The following CADPS variants were observed in gnomAD, a reference collection of about 807,000 sequenced individuals.
CADPS encodes the protein calcium dependent secretion activator.
In CADPS, 57 loss-of-function variants were observed where a neutral mutation model predicts 167.3. That is an observed-to-expected ratio of 0.34 (90% confidence interval 0.28 to 0.42). The LOEUF (loss-of-function observed/expected upper bound fraction) is 0.42. Among genes scored for constraint, CADPS ranks in the 20% least tolerant of loss-of-function variants. CADPS has a pLI of 1.00. For missense variants in CADPS, 1,414 were observed against 1,738.1 expected, an observed-to-expected ratio of 0.81 and a Z score of 3.32; for synonymous variants, 676 against 635.3, an observed-to-expected ratio of 1.06 and a Z score of -0.96.
rs566522778 is a variant in CADPS, at chr3:62,429,573, A to C, written c.3777+8531T>G. Among the ~76,000 whole-genome samples, 21 of 152,086 alleles carry C rather than the reference A, an allele frequency of 1.4e-4. 1 individual carries two copies. The South Asian group carries it at 3.7e-3, about 27-fold the overall frequency. The stretch of plus-strand genomic sequence containing the variant: ...TCGTCTCCTGCAATGCAATGTGATA[A>C]TATTTCTTCCACAAAATGTGCTTTG... On this transcript the variant is annotated intron_variant, in intron 28 of 29. Transcript: ENST00000383710.
At chr3:62,559,402 T>TTCCA (rs1250335740) in intron 9 of CADPS, among the ~76,000 whole-genome samples, 2 of 152,088 alleles carry the variant, frequency 1.3e-5, no homozygotes, top group Non-Finnish European at 2.9e-5. Context: ...TACCAGGCCT[T>TTCCA]TCCAACTTGT....
intron 9 of CADPS, among the ~76,000 whole-genome samples, chr3:62,560,369 T>A (rs2078935342): frequency 6.6e-6 from 1 of 152,198 alleles, no homozygotes; most frequent in Non-Finnish European, 1.5e-5. Flanking sequence ...GTAGTAGAAT[T>A]CTTTTAAAAC....
At chr3:62,608,671 T>C (rs1002743579) in intron 6 of CADPS, among the ~76,000 whole-genome samples, 23 of 152,210 alleles carry the variant, frequency 1.5e-4, no homozygotes, top group Admixed American at 1.3e-3. Flanking sequence ...TAGTTATCTT[T>C]ATATATTTTG....
chr3:62,771,327 T>C (rs763521327), intron 1 of CADPS, among the ~76,000 whole-genome samples: 4 of 152,180 alleles, frequency 2.6e-5, no homozygotes, highest in African/African-American at 4.8e-5. Context: ...TTTCTCACAA[T>C]TGAGTCAGAA....
chr3:62,863,102 A>C (rs144229281), intron 1 of CADPS, among the ~76,000 whole-genome samples: 1 of 152,242 alleles, frequency 6.6e-6, no homozygotes, highest in Non-Finnish European at 1.5e-5. Context: ...TTATATATAC[A>C]TACAATCTGT....
intron 28 of CADPS, among the ~76,000 whole-genome samples, chr3:62,418,487 ATTT>A (rs5849477): frequency 1.2e-4 from 11 of 88,876 alleles, no homozygotes; most frequent in South Asian, 8.0e-4. Context: ...ACCATGCCCT[ATTT>A]TTTTTTTTTT....
At chr3:62,754,396 C>T (rs2083392011) in intron 2 of CADPS, among the ~76,000 whole-genome samples, 1 of 152,016 alleles carries the variant, frequency 6.6e-6, no homozygotes, top group African/African-American at 2.4e-5. Context: ...CCATGTTGCC[C>T]AGGCTGGTCT....
chr3:62,402,967 A>T, intron 29 of CADPS, 114 bp downstream of exon 29: 1 of 582,484 alleles, frequency 1.7e-6, no homozygotes, highest in Non-Finnish European at 2.9e-6. Flanking sequence ...CTTGTATGAG[A>T]TACTATTTTA....
At chr3:62,842,359 G>C (rs1305921317) in intron 1 of CADPS, among the ~76,000 whole-genome samples, 1 of 152,188 alleles carries the variant, frequency 6.6e-6, no homozygotes, top group Non-Finnish European at 1.5e-5. Flanking sequence ...GATAGGATTG[G>C]AATTCAGGTT....
chr3:62,797,342 G>A (rs75085132), intron 1 of CADPS, among the ~76,000 whole-genome samples: 2,995 of 152,158 alleles, frequency 0.02, 45 homozygotes, highest in East Asian at 0.074. Context: ...TGCCTTCTGT[G>A]TGACTGCTCC....
chr3:62,853,663 C>T (rs879707897), intron 1 of CADPS, among the ~76,000 whole-genome samples: 15 of 149,642 alleles, frequency 1.0e-4, no homozygotes, highest in Non-Finnish European at 1.2e-4. Flanking sequence ...AAGAAAGCAT[C>T]TAAAACATAC....
intron 1 of CADPS, among the ~76,000 whole-genome samples, chr3:62,774,700 T>A (rs1020609654): frequency 6.6e-6 from 1 of 152,230 alleles, no homozygotes; most frequent in Non-Finnish European, 1.5e-5. Flanking sequence ...AAATATCTTT[T>A]AGAGATGAGT....
chr3:62,614,603 C>T (rs138070813), intron 6 of CADPS, among the ~76,000 whole-genome samples: 4 of 152,270 alleles, frequency 2.6e-5, no homozygotes, highest in African/African-American at 9.6e-5. Flanking sequence ...TAAACATTTA[C>T]GTTTGTGATC....
At chr3:62,734,699 C>G (rs2078633844) in intron 3 of CADPS, among the ~76,000 whole-genome samples, 1 of 152,114 alleles carries the variant, frequency 6.6e-6, no homozygotes, top group Non-Finnish European at 1.5e-5. Context: ...CATAGTTTGT[C>G]CATTCTACTA....
intron 17 of CADPS, among the ~76,000 whole-genome samples, chr3:62,509,354 G>A (rs541956759): frequency 5.4e-5 from 8 of 149,208 alleles, no homozygotes; most frequent in African/African-American, 2.0e-4. Flanking sequence ...AGTCCCTCAT[G>A]TATAAGACAT....
intron 6 of CADPS, among the ~76,000 whole-genome samples, chr3:62,599,727 A>AGTATATATAATATATATATT (rs2059514334): frequency 1.2e-4 from 1 of 8,388 alleles, no homozygotes; most frequent in African/African-American, 3.8e-4. Context: ...TAATATATAT[A>AGTATATATAATATATATATT]GTATATATAA....
chr3:62,583,537 C>T (rs936055667), intron 8 of CADPS, among the ~76,000 whole-genome samples: 1 of 152,142 alleles, frequency 6.6e-6, no homozygotes, highest in African/African-American at 2.4e-5. Flanking sequence ...TAGGGCCCTG[C>T]ACATGCTCCT....
intron 4 of CADPS, among the ~76,000 whole-genome samples, chr3:62,656,001 A>G (rs1264101449): frequency 2.0e-5 from 3 of 152,104 alleles, no homozygotes; most frequent in African/African-American, 7.2e-5. Flanking sequence ...AACGGACTCG[A>G]CCCTGAATGC....
At chr3:62,612,726 G>A (rs2061671879) in intron 6 of CADPS, among the ~76,000 whole-genome samples, 1 of 152,198 alleles carries the variant, frequency 6.6e-6, no homozygotes, top group South Asian at 2.1e-4. Flanking sequence ...AGAGGGAATT[G>A]ATTGGACAGC....
Sources: gnomAD v4.1 joint callset for allele counts (sites outside exome capture counted in the v4.1 genomes callset) on GRCh38, gnomAD v4.1.1 for gene constraint, MANE v1.5 for transcripts, NCBI Gene and HGNC (gene_info 2026-07-23, HGNC 2026-07-21) for gene names.